The following GRM8 variants were observed in gnomAD, a reference collection of about 807,000 sequenced individuals.
The protein encoded by GRM8 is metabotropic glutamate receptor 8.
In GRM8, 47 loss-of-function variants were observed where a neutral mutation model predicts 87.2. The observed-to-expected ratio is 0.54, with a 90% CI of 0.43 to 0.69. GRM8 has a LOEUF of 0.69. Among genes scored for constraint, GRM8 ranks in the 30% least tolerant of loss-of-function variants. GRM8 has a pLI of 0.00. For synonymous variants in GRM8, 396 were observed against 404.5 expected, an observed-to-expected ratio of 0.98 and a Z score of 0.25; for missense variants, 1,019 against 1,139.2, an observed-to-expected ratio of 0.89 and a Z score of 1.52.
chr7:127,123,715 CA>C (rs1827207519), intron 2 of GRM8, among the ~76,000 whole-genome samples: 1 of 152,080 alleles, frequency 6.6e-6, no homozygotes, highest in South Asian at 2.1e-4. Context: ...AAAACATTAC[CA>C]AATTTTCTTC....
intron 3 of GRM8, among the ~76,000 whole-genome samples, chr7:126,967,201 A>G (rs1225151831): frequency 6.6e-6 from 1 of 152,104 alleles, no homozygotes; most frequent in African/African-American, 2.4e-5. Context: ...CTCCCTTTAT[A>G]TATCATGTAT....
chr7:126,961,850 A>C (rs1157955493), intron 3 of GRM8, among the ~76,000 whole-genome samples: 1 of 152,216 alleles, frequency 6.6e-6, no homozygotes, highest in Non-Finnish European at 1.5e-5. Flanking sequence ...AAGGAGAATC[A>C]CCCAGTACTG....
At position 126,788,420 on chromosome 7, in the gene GRM8, A is replaced by AAAAAAAAAACAAAAAACAAAAAAC; in HGVS notation, c.1157-18356_1157-18355insGTTTTTTGTTTTTTGTTTTTTTTT. 1.1e-3 allele frequency among the ~76,000 whole-genome samples: 91 copies of AAAAAAAAAACAAAAAACAAAAAAC among 81,042 alleles called. 1 individual carries two copies. Among genetic ancestry groups the AAAAAAAAAACAAAAAACAAAAAAC allele is most frequent in the South Asian group, 2.0e-3 (4 of 2,042 alleles). 53.2% of individuals were successfully genotyped at this position (81,042 alleles called of 152,430 possible). The stretch of plus-strand genomic sequence containing the variant: ...GCAAGACTCCATCTCAAAAAAAAAA[A>AAAAAAAAAACAAAAAACAAAAAAC]AAACCCTTTCAGATATCTTTAACAT... On this transcript the variant is annotated intron_variant, in intron 6 of 10. Coordinates refer to ENST00000339582, the MANE Select transcript of GRM8 (RefSeq NM_000845.3).
At chr7:127,107,428 T>C (rs192247266) in intron 2 of GRM8, among the ~76,000 whole-genome samples, 32 of 152,298 alleles carry the variant, frequency 2.1e-4, no homozygotes, top group African/African-American at 7.7e-4. Context: ...CAGAAATTCT[T>C]TGAAATGAGG....
At chr7:127,162,989 G>A (rs188730361) in intron 2 of GRM8, among the ~76,000 whole-genome samples, 11 of 152,184 alleles carry the variant, frequency 7.2e-5, no homozygotes, top group Non-Finnish European at 2.9e-5. Context: ...ATGATGGGTG[G>A]GGCCCAAAGA....
At chr7:126,674,577 G>T (rs1285963220) in intron 7 of GRM8, among the ~76,000 whole-genome samples, 1 of 151,740 alleles carries the variant, frequency 6.6e-6, no homozygotes, top group East Asian at 1.9e-4. Flanking sequence ...TGGCATTCAA[G>T]AACTCACAGT....
chr7:126,823,950 T>C (rs1794525253), intron 6 of GRM8, among the ~76,000 whole-genome samples: 2 of 152,136 alleles, frequency 1.3e-5, no homozygotes, highest in Admixed American at 1.3e-4. Flanking sequence ...ATATATAAGA[T>C]AATGTGTTTG....
intron 3 of GRM8, among the ~76,000 whole-genome samples, chr7:127,062,326 C>G (rs968359381): frequency 4.6e-5 from 7 of 152,110 alleles, no homozygotes; most frequent in Non-Finnish European, 8.8e-5. Flanking sequence ...AAGAGAGGAG[C>G]TGGCTTGACA....
At chr7:126,799,382 C>T (rs576645240) in intron 6 of GRM8, among the ~76,000 whole-genome samples, 1 of 152,074 alleles carries the variant, frequency 6.6e-6, no homozygotes, top group East Asian at 1.9e-4. Context: ...AAATACCAAT[C>T]AGTAGTGAGG....
chr7:126,456,519 T>TAAAAAAAAAAAAAAAAAAAAA lies in GRM8; in HGVS notation c.2431-10168_2431-10148dup, dbSNP rs513. ...TCCTAAGTGTAAGAAAGCAGCAAGC[T>TAAAAAAAAAAAAAAAAAAAAA]AAAAAAAAAAAAAAAAAAAAAAAAA... On this transcript the variant is annotated intron_variant, in intron 9 of 10. Coordinates refer to ENST00000339582, the MANE Select transcript of GRM8 (RefSeq NM_000845.3). Among the ~76,000 whole-genome samples, 55 of 69,690 alleles carry TAAAAAAAAAAAAAAAAAAAAA rather than the reference T, an allele frequency of 7.9e-4. 10 individuals are homozygous for TAAAAAAAAAAAAAAAAAAAAA. Among genetic ancestry groups the TAAAAAAAAAAAAAAAAAAAAA allele is most frequent in the African/African-American group, 1.9e-3 (23 of 12,060 alleles). The allele number at this position is 69,690 out of a possible 152,430, so 45.7% of individuals were successfully genotyped here. A position where few individuals can be genotyped will look rare whatever the true frequency, so the allele number is the denominator to read the frequency against.
In GRM8 at chr7:126,600,497, T is replaced by G. The variant is rs530110635; in HGVS notation, c.1494+8865A>C. On this transcript the variant is annotated intron_variant, in intron 8 of 10. Transcript: ENST00000339582. ...TATATCTTATACTGATGCCCTGCCATGGACTATCATCCTGCCTGGCAGGGA... is the reference window on the plus strand; with the variant it reads ...TATATCTTATACTGATGCCCTGCCAGGGACTATCATCCTGCCTGGCAGGGA... Among the ~76,000 whole-genome samples, 32 of 152,284 alleles carry G rather than the reference T, an allele frequency of 2.1e-4. 1 individual carries two copies. The highest frequency in any genetic ancestry group is 3.4e-3 in the Middle Eastern group (1 of 294).
chr7:126,585,435 C>T (rs191194047), intron 8 of GRM8, among the ~76,000 whole-genome samples: 30 of 152,262 alleles, frequency 2.0e-4, no homozygotes, highest in African/African-American at 6.0e-4. Flanking sequence ...ACCCGTTACA[C>T]ATTTTATGGA....
chr7:127,096,763 G>C (rs369956078), intron 3 of GRM8, among the ~76,000 whole-genome samples: 1 of 152,166 alleles, frequency 6.6e-6, no homozygotes, highest in African/African-American at 2.4e-5. Context: ...CCAGTGAGAA[G>C]TTCTTAACCA....
At chr7:126,660,938 A>G (rs1215170928) in intron 7 of GRM8, among the ~76,000 whole-genome samples, 2 of 152,222 alleles carry the variant, frequency 1.3e-5, no homozygotes, top group East Asian at 3.8e-4. Context: ...TCAACTGTCA[A>G]AACAAATCAG....
intron 2 of GRM8, among the ~76,000 whole-genome samples, chr7:127,129,519 T>A (rs543210368): frequency 6.6e-6 from 1 of 152,168 alleles, no homozygotes; most frequent in Non-Finnish European, 1.5e-5. Context: ...CAAACACTTG[T>A]GCAAAACTGC....
chr7:126,612,634 G>A (rs1799035265), intron 7 of GRM8, among the ~76,000 whole-genome samples: 1 of 152,164 alleles, frequency 6.6e-6, no homozygotes, highest in African/African-American at 2.4e-5. Flanking sequence ...CCTATTATGT[G>A]CTCAACACTG....
chr7:126,923,729 T>C (rs1265316537), intron 3 of GRM8, among the ~76,000 whole-genome samples: 1 of 152,106 alleles, frequency 6.6e-6, no homozygotes, highest in Non-Finnish European at 1.5e-5. Flanking sequence ...TTTATAACTT[T>C]GGTAGGTGTT....
chr7:126,987,653 T>C (rs559848040), intron 3 of GRM8, among the ~76,000 whole-genome samples: 62 of 151,992 alleles, frequency 4.1e-4, no homozygotes, highest in East Asian at 2.9e-3. Flanking sequence ...TTAGTAGAGA[T>C]GGGGTTTCAC....
At chr7:127,190,035 C>A (rs1361212107) in intron 2 of GRM8, among the ~76,000 whole-genome samples, 1 of 152,236 alleles carries the variant, frequency 6.6e-6, no homozygotes. Flanking sequence ...GATGGCTCTG[C>A]TAATCTTGGC....
Sources: allele counts gnomAD v4.1 joint callset (sites outside exome capture counted in the v4.1 genomes callset), GRCh38; gene constraint gnomAD v4.1.1; transcripts MANE v1.5; gene names NCBI Gene and HGNC (gene_info 2026-07-23, HGNC 2026-07-21).